Variants in HDAC4 observed in about 807,000 individuals in gnomAD.
HDAC4 encodes histone deacetylase A.
A neutral mutation model predicts 135.1 loss-of-function variants in HDAC4; 16 were observed. That is an observed-to-expected ratio of 0.12 (90% CI 0.08 to 0.18). The LOEUF is 0.18. Ranked by LOEUF, HDAC4 falls within the 10% of genes least tolerant of loss-of-function variation. The pLI, the probability that HDAC4 is intolerant of heterozygous loss-of-function variation, is 1.00. For synonymous variants in HDAC4, 685 were observed against 653.4 expected, an observed-to-expected ratio of 1.05 and a Z score of -0.74; for missense variants, 1,143 against 1,511.8, an observed-to-expected ratio of 0.76 and a Z score of 4.05.
intron 7 of HDAC4, 119 bp downstream of exon 7, chr2:239,156,532 TA>T (rs2042433776): frequency 8.2e-7 from 1 of 1,220,958 alleles, no homozygotes; most frequent in African/African-American, 1.5e-5. Flanking sequence ...AGAAAATATT[TA>T]AAAATCTGCA....
At position 239,255,609 on chromosome 2, in the gene HDAC4, C is replaced by T. The variant is rs547210147; in HGVS notation, c.23-18945G>A. On this transcript the variant is annotated intron_variant, in intron 2 of 26. Coordinates refer to ENST00000543185, the MANE Select transcript of HDAC4 (RefSeq NM_001378414.1). The stretch of plus-strand genomic sequence containing the variant: ...CGCACAGGCACCAAAACACTTGACA[C>T]GCCAACATGCCACAGCCTTGGCTTC... Among the ~76,000 whole-genome samples, 12 of 152,294 alleles carry T rather than the reference C, an allele frequency of 7.9e-5. No homozygotes were observed. In the South Asian group the frequency reaches 2.5e-3, roughly 32 times the overall value.
chr2:239,075,788 C>T (rs527916660), intron 22 of HDAC4, among the ~76,000 whole-genome samples: 1 of 152,394 alleles, frequency 6.6e-6, no homozygotes, highest in East Asian at 1.9e-4. Flanking sequence ...GACGACATCT[C>T]CCCTCAGCTT....
chr2:239,298,659 G>T, intron 2 of HDAC4: 1 of 978,698 alleles, frequency 1.0e-6, no homozygotes, highest in Non-Finnish European at 1.2e-6. Flanking sequence ...TGAGACTGTG[G>T]CTAAATCATT....
At chr2:239,386,756 G>A (rs142232259) in intron 1 of HDAC4, among the ~76,000 whole-genome samples, 1 of 152,330 alleles carries the variant, frequency 6.6e-6, no homozygotes, top group East Asian at 1.9e-4. Context: ...ACTTCTGCTC[G>A]TAACAAGGCT....
At chr2:239,227,941 T>G (rs117166879) in intron 3 of HDAC4, among the ~76,000 whole-genome samples, 2,089 of 152,286 alleles carry the variant, frequency 0.014, 42 homozygotes, top group East Asian at 0.072. Flanking sequence ...AGACACATTT[T>G]CAACGCAATT....
chr2:239,357,051 A>C (rs1234984915), intron 1 of HDAC4, among the ~76,000 whole-genome samples: 1 of 152,230 alleles, frequency 6.6e-6, no homozygotes, highest in Non-Finnish European at 1.5e-5. Flanking sequence ...AACACTCCAT[A>C]AACAACGGCT....
chr2:239,215,372 G>T (rs996075682), intron 3 of HDAC4, among the ~76,000 whole-genome samples: 1 of 152,184 alleles, frequency 6.6e-6, no homozygotes, highest in Non-Finnish European at 1.5e-5. Flanking sequence ...CACGAAACCA[G>T]GGGCTGGCTG....
intron 2 of HDAC4, chr2:239,298,517 G>A: frequency 9.5e-7 from 1 of 1,047,432 alleles, no homozygotes; most frequent in Non-Finnish European, 1.2e-6. Context: ...CACTCTACAG[G>A]GGCCTCCTCA....
At chr2:239,092,210 G>A (rs1452615241) in intron 17 of HDAC4, among the ~76,000 whole-genome samples, 1 of 149,984 alleles carries the variant, frequency 6.7e-6, no homozygotes, top group Non-Finnish European at 1.5e-5. Context: ...CTGCACTCCA[G>A]TCTGGGTAAC....
chr2:239,126,729 A>G, intron 11 of HDAC4, 35 bp from the exon 12 acceptor site: 1 of 1,602,220 alleles, frequency 6.2e-7, no homozygotes, highest in Non-Finnish European at 8.5e-7. Flanking sequence ...AGCAGAGGGG[A>G]AGAGGAAGAA....
rs138137158 is a variant in HDAC4, at chr2:239,102,858, C to T, written c.2151G>A (p.Gln717=). 599 of 1,614,016 alleles carry T rather than the reference C, an allele frequency of 3.7e-4. 1 individual carries two copies. The Middle Eastern group carries it at 9.6e-3, about 26-fold the overall frequency. The change falls in exon 16 of 27, where the codon CAG becomes CAA. Residue 717 remains glutamine, a synonymous_variant. Coordinates refer to ENST00000543185, the MANE Select transcript of HDAC4 (RefSeq NM_001378414.1). ...RGRKATLEEL[Q]TVHSEAHTLL... ...GGGTGTGGGCTTCCGAGTGCACCGT[C>T]TGTAGCTCCTCCAGGGTGGCCTTGC...
At chr2:239,106,702 G>A (rs1387332006) in intron 15 of HDAC4, among the ~76,000 whole-genome samples, 1 of 151,524 alleles carries the variant, frequency 6.6e-6, no homozygotes, top group Non-Finnish European at 1.5e-5. Flanking sequence ...GTAAGATGAG[G>A]CACAGATTAA....
intron 2 of HDAC4, among the ~76,000 whole-genome samples, chr2:239,325,560 G>T (rs1189991072): frequency 6.6e-6 from 1 of 152,162 alleles, no homozygotes; most frequent in Non-Finnish European, 1.5e-5. Context: ...TTTCAAAATT[G>T]GAAAATAAAA....
intron 7 of HDAC4, among the ~76,000 whole-genome samples, chr2:239,147,540 C>G (rs2041845611): frequency 6.6e-6 from 1 of 152,276 alleles, no homozygotes; most frequent in Admixed American, 6.5e-5. Context: ...CTTCACCGCC[C>G]TCGCGGGCCT....
intron 11 of HDAC4, 114 bp from the exon 12 acceptor site, chr2:239,126,808 C>G: frequency 8.5e-7 from 1 of 1,178,050 alleles, no homozygotes; most frequent in South Asian, 1.3e-5. Flanking sequence ...CCAGCCCAGG[C>G]GTTCTGCCCT....
intron 24 of HDAC4, among the ~76,000 whole-genome samples, chr2:239,065,263 G>A (rs1468141259): frequency 6.6e-6 from 1 of 152,202 alleles, no homozygotes; most frequent in East Asian, 1.9e-4. Flanking sequence ...CTGTAAGTGT[G>A]TGACCGCCTG....
rs964702222 is a variant in HDAC4 at position 239,081,314 on chromosome 2, C to T, written c.2653-122G>A. 36 of 787,896 alleles carry T rather than the reference C, an allele frequency of 4.6e-5. No homozygotes were observed. In the East Asian group the frequency reaches 5.9e-4, roughly 13 times the overall value. The allele number at this position is 787,896 out of a possible 1,614,324, so 48.8% of individuals were successfully genotyped here. On this transcript the variant is annotated intron_variant, in intron 21 of 26. Transcript: ENST00000543185. ...TTGGTGGGCCCCTGGGGAGAGCCCACGTGTCCTGATCTCCTGGTGCATATT... is the reference window on the plus strand; with the variant it reads ...TTGGTGGGCCCCTGGGGAGAGCCCATGTGTCCTGATCTCCTGGTGCATATT...
intron 17 of HDAC4, chr2:239,094,791 C>T (rs950472758): frequency 4.2e-6 from 6 of 1,417,426 alleles, no homozygotes; most frequent in Middle Eastern, 4.1e-4. Flanking sequence ...GAGCCCCAGC[C>T]ACCTGCGCCA....
At chr2:239,212,319 T>C (rs2046389101) in intron 3 of HDAC4, among the ~76,000 whole-genome samples, 2 of 152,044 alleles carry the variant, frequency 1.3e-5, no homozygotes, top group South Asian at 2.1e-4. Context: ...ATTTAAAGAA[T>C]TGCTTCCTGT....
Sources: allele counts gnomAD v4.1 joint callset (sites outside exome capture counted in the v4.1 genomes callset), GRCh38; gene constraint gnomAD v4.1.1; transcripts MANE v1.5; gene names NCBI Gene and HGNC (gene_info 2026-07-23, HGNC 2026-07-21).